NCAM2: variants seen among roughly 807,000 people sequenced by gnomAD.
The protein encoded by NCAM2 is N-CAM-2.
Under a neutral mutation model 98.1 loss-of-function variants are expected in NCAM2, and 30 were observed. The ratio of observed to expected loss-of-function variants is 0.31; its 90% CI spans 0.23 to 0.41. The LOEUF (loss-of-function observed/expected upper bound fraction) is 0.41. NCAM2 is among the 10% of genes least tolerant of loss of function. The probability of loss-of-function intolerance (pLI) is 1.00; values close to 1 mark genes in which losing one functional copy is unlikely to be tolerated. For synonymous variants in NCAM2, 368 were observed against 342.4 expected (o/e 1.07, Z -0.83); for missense variants, 867 against 1,005.8 (o/e 0.86, Z 1.87).
chr21:21,346,960 A>T (rs1285384359), intron 8 of NCAM2, among the ~76,000 whole-genome samples: 2 of 151,974 alleles, frequency 1.3e-5, no homozygotes, highest in Non-Finnish European at 1.5e-5. Context: ...ATGATAAATC[A>T]TAAAGAATGG....
chr21:21,391,511 C>A (rs2076379557), intron 9 of NCAM2, among the ~76,000 whole-genome samples: 1 of 150,232 alleles, frequency 6.7e-6, no homozygotes, highest in Non-Finnish European at 1.5e-5. Context: ...TCTAATACAA[C>A]ATTAAAACAA....
intron 1 of NCAM2, among the ~76,000 whole-genome samples, chr21:21,196,618 T>A (rs1268459466): frequency 6.6e-6 from 1 of 152,158 alleles, no homozygotes; most frequent in Non-Finnish European, 1.5e-5. Context: ...AGTGAGTAAT[T>A]TGTGGAGTGA....
intron 15 of NCAM2, among the ~76,000 whole-genome samples, chr21:21,507,005 A>G (rs1034014903): frequency 6.6e-6 from 1 of 152,092 alleles, no homozygotes; most frequent in South Asian, 2.1e-4. Context: ...AGTTGCTGGG[A>G]TGAAGTGCCA....
chr21:21,084,806 G>A (rs1173291256), intron 1 of NCAM2, among the ~76,000 whole-genome samples: 1 of 152,090 alleles, frequency 6.6e-6, no homozygotes, highest in Non-Finnish European at 1.5e-5. Context: ...ATAAATATTT[G>A]TTTATATGGA....
intron 16 of NCAM2, among the ~76,000 whole-genome samples, chr21:21,525,979 A>G (rs1264068318): frequency 1.3e-5 from 2 of 152,038 alleles, no homozygotes; most frequent in African/African-American, 4.8e-5. Context: ...TTCAATAACA[A>G]TGAGGGGTGG....
intron 1 of NCAM2, among the ~76,000 whole-genome samples, chr21:21,150,314 C>A (rs1205059509): frequency 6.6e-6 from 1 of 151,876 alleles, no homozygotes; most frequent in East Asian, 1.9e-4. Context: ...TACTTCTTGC[C>A]AAGATTTATA....
At chr21:21,085,177 AACC>A (rs1462206991) in intron 1 of NCAM2, among the ~76,000 whole-genome samples, 2 of 150,788 alleles carry the variant, frequency 1.3e-5, no homozygotes, top group Non-Finnish European at 2.9e-5. Flanking sequence ...TATTGTAATT[AACC>A]ATTATTTGTG....
intron 10 of NCAM2, among the ~76,000 whole-genome samples, chr21:21,415,218 C>T (rs2076965820): frequency 6.6e-6 from 1 of 151,980 alleles, no homozygotes; most frequent in South Asian, 2.1e-4. Context: ...CTTTACATCT[C>T]CTCTCTAGCT....
intron 1 of NCAM2, among the ~76,000 whole-genome samples, chr21:21,280,307 C>A (rs947595087): frequency 6.6e-6 from 1 of 152,086 alleles, no homozygotes; most frequent in Non-Finnish European, 1.5e-5. Flanking sequence ...AACAGATTGT[C>A]TGAGTGTGAA....
chr21:21,153,025 C>T (rs55736712), intron 1 of NCAM2, among the ~76,000 whole-genome samples: 4,912 of 151,970 alleles, frequency 0.032, 133 homozygotes, highest in Non-Finnish European at 0.046. Context: ...TCTAGTTTTT[C>T]CCCCTTCTCT....
chr21:21,075,021 G>A (rs1360486182), intron 1 of NCAM2, among the ~76,000 whole-genome samples: 1 of 152,154 alleles, frequency 6.6e-6, no homozygotes, highest in African/African-American at 2.4e-5. Context: ...AAAAGGATGA[G>A]TTCATGTCCT....
At chr21:21,302,477 G>A (rs2073750028) in intron 5 of NCAM2, among the ~76,000 whole-genome samples, 1 of 151,800 alleles carries the variant, frequency 6.6e-6, no homozygotes, top group Admixed American at 6.6e-5. Context: ...TGTTTTTTCT[G>A]TACCAGTACC....
At chr21:21,455,235 T>G (rs1981962586) in intron 12 of NCAM2, among the ~76,000 whole-genome samples, 1 of 134,824 alleles carries the variant, frequency 7.4e-6, no homozygotes, top group Non-Finnish European at 1.6e-5. Context: ...AAAAAAAAGT[T>G]TAATTTGTCC....
chr21:21,492,609 GAT>G (rs1323420764), intron 15 of NCAM2, among the ~76,000 whole-genome samples: 3 of 151,764 alleles, frequency 2.0e-5, no homozygotes, highest in African/African-American at 4.8e-5. Flanking sequence ...TGTTGGTAGA[GAT>G]AGGTAATTTT....
intron 15 of NCAM2, among the ~76,000 whole-genome samples, chr21:21,493,827 T>A (rs1045436204): frequency 1.3e-5 from 2 of 151,894 alleles, no homozygotes; most frequent in African/African-American, 4.8e-5. Flanking sequence ...CTTTGCAAAT[T>A]GATTTCTTTC....
chr21:21,267,450 T>C (rs1568860825), intron 1 of NCAM2, among the ~76,000 whole-genome samples: 3 of 152,178 alleles, frequency 2.0e-5, no homozygotes, highest in Non-Finnish European at 4.4e-5. Flanking sequence ...CAGCTTGTTG[T>C]ACAACCTTAC....
chr21:21,396,428 G>A (rs1356292741), intron 9 of NCAM2, among the ~76,000 whole-genome samples: 1 of 152,198 alleles, frequency 6.6e-6, no homozygotes, highest in African/African-American at 2.4e-5. Context: ...TAGTAACACT[G>A]TCATGGGATC....
chr21:21,152,845 T>C (rs2067487317), intron 1 of NCAM2, among the ~76,000 whole-genome samples: 2 of 152,050 alleles, frequency 1.3e-5, no homozygotes, highest in Admixed American at 1.3e-4. Flanking sequence ...TGCTGATGTC[T>C]GGAGCTCCTT....
intron 1 of NCAM2, among the ~76,000 whole-genome samples, chr21:21,235,741 C>T (rs1196923613): frequency 6.6e-6 from 1 of 151,890 alleles, no homozygotes; most frequent in Non-Finnish European, 1.5e-5. Flanking sequence ...TTCACTCCTC[C>T]ATCTGTGCAC....
Sources: gnomAD v4.1 joint callset for allele counts (sites outside exome capture counted in the v4.1 genomes callset) on GRCh38, gnomAD v4.1.1 for gene constraint, MANE v1.5 for transcripts, NCBI Gene and HGNC (gene_info 2026-07-23, HGNC 2026-07-21) for gene names.